The following SFMBT2 variants were observed in gnomAD, a reference collection of about 807,000 sequenced individuals.
The protein encoded by SFMBT2 is scm-like with four MBT domains protein 2.
In SFMBT2, 38 loss-of-function variants were observed where a neutral mutation model predicts 110.1. That is an observed-to-expected ratio of 0.35 (90% CI 0.27 to 0.45). SFMBT2 has a LOEUF of 0.45. Among genes scored for constraint, SFMBT2 ranks in the 20% least tolerant of loss-of-function variants. The probability of loss-of-function intolerance (pLI) is 1.00; values close to 1 mark genes in which losing one functional copy is unlikely to be tolerated. For missense variants in SFMBT2, 1,011 were observed against 1,094.9 expected (o/e 0.92, Z 1.08); for synonymous variants, 425 against 425.4 (o/e 1.00, Z 0.01).
At chr10:7,307,376 G>C (rs1842726724) in intron 4 of SFMBT2, among the ~76,000 whole-genome samples, 1 of 152,096 alleles carries the variant, frequency 6.6e-6, no homozygotes, top group African/African-American at 2.4e-5. Flanking sequence ...GTGTCCCAAG[G>C]AGAGCCAAAA....
At chr10:7,222,242 A>T (rs1375396309) in intron 10 of SFMBT2, among the ~76,000 whole-genome samples, 2 of 152,238 alleles carry the variant, frequency 1.3e-5, no homozygotes, top group African/African-American at 4.8e-5. Context: ...CTATCCACTT[A>T]CCAGTTAAAG....
intron 9 of SFMBT2, among the ~76,000 whole-genome samples, chr10:7,235,765 A>C (rs934903822): frequency 1.3e-5 from 2 of 152,234 alleles, no homozygotes; most frequent in Admixed American, 1.3e-4. Flanking sequence ...GAGGATATAG[A>C]ATATCTGAAT....
In SFMBT2 at chr10:7,193,253, C is replaced by A. The variant is rs529083034; in HGVS notation, c.1698+4295G>T. Among the ~76,000 whole-genome samples the A allele has an allele frequency of 3.7e-4, 56 of 152,218 alleles. 1 individual carries two copies. The highest frequency in any genetic ancestry group is 7.8e-4 in the Non-Finnish European group (53 of 68,040). Reference sequence around the variant, plus strand: ...GAGAGCCCCTGCCTGCTCAGCACCCCTGAAGCTCATGCGGAAAACCCACAA... The same window carrying A: ...GAGAGCCCCTGCCTGCTCAGCACCCATGAAGCTCATGCGGAAAACCCACAA... On this transcript the variant is annotated intron_variant, in intron 15 of 20. Coordinates refer to ENST00000397167, the MANE Select transcript of SFMBT2 (RefSeq NM_001387889.1).
intron 16 of SFMBT2, among the ~76,000 whole-genome samples, chr10:7,186,806 G>A (rs1033223288): frequency 3.3e-5 from 5 of 152,182 alleles, no homozygotes; most frequent in Non-Finnish European, 5.9e-5. Context: ...TCAACACACA[G>A]TATCAGAGCA....
At chr10:7,234,724 T>C (rs939257981) in intron 9 of SFMBT2, among the ~76,000 whole-genome samples, 1 of 152,130 alleles carries the variant, frequency 6.6e-6, no homozygotes, top group African/African-American at 2.4e-5. Context: ...AGATGAAATA[T>C]AATTTTGAAA....
chr10:7,326,504 G>A (rs145510960), intron 4 of SFMBT2, among the ~76,000 whole-genome samples: 90 of 152,236 alleles, frequency 5.9e-4, no homozygotes, highest in African/African-American at 2.0e-3. Context: ...TAATAGCCTC[G>A]GCTCTGTATT....
intron 6 of SFMBT2, among the ~76,000 whole-genome samples, chr10:7,278,645 C>T (rs1841854493): frequency 1.3e-5 from 2 of 152,172 alleles, no homozygotes; most frequent in Non-Finnish European, 2.9e-5. Context: ...ATGGGGATTA[C>T]CAAAGAAAGA....
intron 8 of SFMBT2, among the ~76,000 whole-genome samples, chr10:7,247,129 T>G (rs1321769596): frequency 2.0e-5 from 3 of 152,216 alleles, no homozygotes; most frequent in South Asian, 4.1e-4. Context: ...GTTGTTTGTT[T>G]GTTTTGAGAT....
chr10:7,177,465 A>T (rs1838102102), intron 16 of SFMBT2, among the ~76,000 whole-genome samples: 3 of 152,190 alleles, frequency 2.0e-5, no homozygotes. Context: ...TTGAAGCCAT[A>T]ACCCCCGATA....
intron 4 of SFMBT2, among the ~76,000 whole-genome samples, chr10:7,359,361 G>A (rs1844634894): frequency 6.6e-6 from 1 of 152,238 alleles, no homozygotes; most frequent in Admixed American, 6.5e-5. Flanking sequence ...GGGCACCAAG[G>A]GAGGGAGAGG....
intron 11 of SFMBT2, among the ~76,000 whole-genome samples, chr10:7,218,126 A>G (rs1378148596): frequency 6.6e-6 from 1 of 152,234 alleles, no homozygotes; most frequent in Non-Finnish European, 1.5e-5. Flanking sequence ...AATAACTAAT[A>G]AAATTGTTAC....
At chr10:7,223,686 T>A (rs1839819393) in intron 10 of SFMBT2, among the ~76,000 whole-genome samples, 1 of 152,256 alleles carries the variant, frequency 6.6e-6, no homozygotes, top group Non-Finnish European at 1.5e-5. Flanking sequence ...AGTTTCTACT[T>A]CTTCTCTGGG....
chr10:7,320,864 G>A (rs756338501), intron 4 of SFMBT2, among the ~76,000 whole-genome samples: 13 of 152,170 alleles, frequency 8.5e-5, no homozygotes, highest in Non-Finnish European at 1.8e-4. Flanking sequence ...TGTTAAGAGA[G>A]AGCAACTCCC....
intron 7 of SFMBT2, among the ~76,000 whole-genome samples, chr10:7,274,519 C>T (rs1841705293): frequency 6.6e-6 from 1 of 152,186 alleles, no homozygotes; most frequent in South Asian, 2.1e-4. Context: ...CCCCCTTCAT[C>T]CAGCTCTTAT....
intron 15 of SFMBT2, among the ~76,000 whole-genome samples, chr10:7,196,187 A>G (rs117247318): frequency 6.8e-4 from 103 of 152,294 alleles, no homozygotes; most frequent in Non-Finnish European, 1.4e-3. Flanking sequence ...ATCACTTAAA[A>G]TATCAGAGAA....
chr10:7,206,507 A>T (rs1839142874), intron 11 of SFMBT2: 3 of 985,392 alleles, frequency 3.0e-6, no homozygotes, highest in Non-Finnish European at 3.6e-6. Flanking sequence ...CTGACAACTT[A>T]TCAGTTTGGA....
intron 13 of SFMBT2, among the ~76,000 whole-genome samples, chr10:7,201,180 T>C (rs557972982): frequency 6.6e-6 from 1 of 152,288 alleles, no homozygotes; most frequent in Admixed American, 6.5e-5. Flanking sequence ...CAAGAGATCT[T>C]AGCAAGGCCA....
intron 4 of SFMBT2, among the ~76,000 whole-genome samples, chr10:7,356,294 G>A (rs77761016): frequency 6.6e-6 from 1 of 152,158 alleles, no homozygotes; most frequent in African/African-American, 2.4e-5. Context: ...TCATGTGTTC[G>A]TTTTTTTCCT....
At chr10:7,349,478 A>G (rs1438463261) in intron 4 of SFMBT2, among the ~76,000 whole-genome samples, 3 of 52,456 alleles carry the variant, frequency 5.7e-5, no homozygotes, top group African/African-American at 1.4e-4. Context: ...CGGGGGGGAG[A>G]CGGAGTTTTG....
Sources: allele counts gnomAD v4.1 joint callset (sites outside exome capture counted in the v4.1 genomes callset), GRCh38; gene constraint gnomAD v4.1.1; transcripts MANE v1.5; gene names NCBI Gene and HGNC (gene_info 2026-07-23, HGNC 2026-07-21).